LGALS8: variants seen among roughly 807,000 people sequenced by gnomAD.
The protein encoded by LGALS8 is galectin-8.
LGALS8 carries 30 observed loss-of-function variants against 35.9 expected under a neutral mutation model. The ratio of observed to expected loss-of-function variants is 0.83; its 90% CI spans 0.62 to 1.13. The LOEUF (loss-of-function observed/expected upper bound fraction) is 1.13. LGALS8 is among the 50% of genes most tolerant of loss of function. LGALS8 has a pLI of 0.00. For synonymous variants in LGALS8, 138 were observed against 136.1 expected, an observed-to-expected ratio of 1.01 and a Z score of -0.10; for missense variants, 366 against 388.7, an observed-to-expected ratio of 0.94 and a Z score of 0.49.
chr1:236,547,351 C>CTGAA (rs1611010), intron 9 of LGALS8, among the ~76,000 whole-genome samples: 92,466 of 151,600 alleles, frequency 0.61, 29,073 homozygotes, highest in Non-Finnish European at 0.69. Context: ...GCCGATGGAT[C>CTGAA]TGAATTTGTA....
At position 236,548,281 on chromosome 1, in the gene LGALS8, A is replaced by C; in HGVS notation, c.*120A>C. ...TATTGTTAAAATGAGCTTGTGCACC[A>C]TTAGGTCCTGCTGGGTGTTCTCAGT... is the stretch of plus-strand genomic sequence containing the variant. On this transcript the variant is annotated 3_prime_UTR_variant, in exon 10 of 10. Coordinates refer to ENST00000366584, the MANE Select transcript of LGALS8 (RefSeq NM_201544.4). 1 of 964,732 alleles carries C rather than the reference A, an allele frequency of 1.0e-6. No individual in the cohort carries two copies. Among genetic ancestry groups the C allele is most frequent in the Non-Finnish European group, 1.6e-6 (1 of 644,534 alleles). 59.8% of individuals were successfully genotyped at this position (964,732 alleles called of 1,614,324 possible).
rs1662703685 is a variant in LGALS8, at chr1:236,550,932, G to A, written c.*2771G>A. Reference sequence around the variant, plus strand: ...AATAGCTCTGGAGTGGCTCTCCCAGGACAGTTTCCAGTTGCTGAATAGTCT... The same window carrying A: ...AATAGCTCTGGAGTGGCTCTCCCAGAACAGTTTCCAGTTGCTGAATAGTCT... On this transcript the variant is annotated 3_prime_UTR_variant, in exon 10 of 10. Transcript: ENST00000366584. 6.2e-7 allele frequency: 1 copy of A among 1,608,600 alleles called. No individual in the cohort carries two copies. The highest frequency in any genetic ancestry group is 1.4e-5 in the African/African-American group (1 of 74,008).
rs780751484 is a variant in LGALS8, at chr1:236,529,647, C to CTT, written c.45+3548_45+3549dup. 2.6e-4 allele frequency among the ~76,000 whole-genome samples: 28 copies of CTT among 106,090 alleles called. 1 individual carries two copies. Among genetic ancestry groups the CTT allele is most frequent in the Admixed American group, 9.1e-4 (9 of 9,918 alleles). The allele number at this position is 106,090 out of a possible 152,430, so 69.6% of individuals were successfully genotyped here. On this transcript the variant is annotated intron_variant, in intron 2 of 9. Transcript: ENST00000366584. ...GTTTTTTTTTTTTTTTCTTTCTTCT[C>CTT]TTTTTTTTTTTTTTTTTAAGAGATG...
At chr1:236,533,908 C>T (rs1466567513) in intron 2 of LGALS8, among the ~76,000 whole-genome samples, 2 of 152,200 alleles carry the variant, frequency 1.3e-5, no homozygotes, top group Non-Finnish European at 2.9e-5. Flanking sequence ...CTGTCTCTGA[C>T]CCCAGATGTA....
chr1:236,539,197 AGTTT>A (rs67519050), intron 4 of LGALS8, 108 bp downstream of exon 4: 377,572 of 881,496 alleles, frequency 0.43, 83,907 homozygotes, highest in East Asian at 0.46. Context: ...CCTGAGATAT[AGTTT>A]GTTTGGCTTT....
At chr1:236,535,153 A>G (rs1661401349) in intron 2 of LGALS8, among the ~76,000 whole-genome samples, 1 of 151,938 alleles carries the variant, frequency 6.6e-6, no homozygotes, top group Non-Finnish European at 1.5e-5. Flanking sequence ...ATAATTAAAA[A>G]TATTTTTCTG....
intron 7 of LGALS8, chr1:236,543,207 T>C (rs996368303): frequency 1.5e-6 from 1 of 661,256 alleles, no homozygotes; most frequent in Non-Finnish European, 2.6e-6. Flanking sequence ...GAGCCATTCC[T>C]GTGTATTTCC....
intron 2 of LGALS8, among the ~76,000 whole-genome samples, chr1:236,533,396 C>T (rs1054874491): frequency 5.9e-5 from 9 of 151,586 alleles, no homozygotes; most frequent in Admixed American, 2.0e-4. Flanking sequence ...GTGCAATGGC[C>T]CGATCTCGGC....
At position 236,542,800 on chromosome 1, in the gene LGALS8, G is replaced by C. The variant is rs751983553; in HGVS notation, c.549+13G>C. The C allele has an allele frequency of 1.2e-6, 2 of 1,614,124 alleles. No homozygotes were observed. Among genetic ancestry groups the C allele is most frequent in the Non-Finnish European group, 1.7e-6 (2 of 1,180,010 alleles). On this transcript the variant is annotated intron_variant, in intron 7 of 9. Transcript: ENST00000366584. ...CACGCCCCAGCTTGTGAGTATTTTTGCCTGGGTTATTTCATGTGGAATATT... is the reference window on the plus strand; with the variant it reads ...CACGCCCCAGCTTGTGAGTATTTTTCCCTGGGTTATTTCATGTGGAATATT...
rs954461897 is a variant in LGALS8, at chr1:236,552,220, G to A, written c.*4059G>A. 1.1e-4 allele frequency: 72 copies of A among 630,698 alleles called. No homozygotes were observed. In the African/African-American group the frequency reaches 1.2e-3, roughly 11 times the overall value. The allele number at this position is 630,698 out of a possible 1,614,324, so 39.1% of individuals were successfully genotyped here. ...ACTTTTTAAACATTAGTTCACATGC[G>A]TTTATTCACTTCATTATGTTCATTA... On this transcript the variant is annotated 3_prime_UTR_variant, in exon 10 of 10. Transcript: ENST00000366584.
chr1:236,549,629 T>C lies in LGALS8; in HGVS notation c.*1468T>C, dbSNP rs1218307540. The C allele has an allele frequency of 1.3e-5, 2 of 152,144 alleles. No homozygotes were observed. Among genetic ancestry groups the C allele is most frequent in the Non-Finnish European group, 2.9e-5 (2 of 68,038 alleles). The allele number at this position is 152,144 out of a possible 1,614,324, so 9.4% of individuals were successfully genotyped here. On this transcript the variant is annotated 3_prime_UTR_variant, in exon 10 of 10. Coordinates refer to ENST00000366584, the MANE Select transcript of LGALS8 (RefSeq NM_201544.4). ...GTCTCACCAAGCTCAAAGACACTGGTTGGGGGTGGAGGGTGCCACAGGGAA... is the reference window on the plus strand; with the variant it reads ...GTCTCACCAAGCTCAAAGACACTGGCTGGGGGTGGAGGGTGCCACAGGGAA...
Position 236,550,739 on chromosome 1 carries a change from C to T in LGALS8, c.*2578C>T. 2 of 571,070 alleles carry T rather than the reference C, an allele frequency of 3.5e-6. No individual in the cohort carries two copies. The highest frequency in any genetic ancestry group is 6.1e-6 in the Non-Finnish European group (2 of 327,738). The allele number at this position is 571,070 out of a possible 1,614,324, so 35.4% of individuals were successfully genotyped here. A position where few individuals can be genotyped will look rare whatever the true frequency, so the allele number is the denominator to read the frequency against. ...TAGGCAGGAGAGGCTTATGTGGCAG[C>T]ACAAGCCAGGTGGGGATTTTGTAAA... is the stretch of plus-strand genomic sequence containing the variant. On this transcript the variant is annotated 3_prime_UTR_variant, in exon 10 of 10. Transcript: ENST00000366584.
At chr1:236,534,232 G>C (rs1287112998) in intron 2 of LGALS8, among the ~76,000 whole-genome samples, 1 of 152,170 alleles carries the variant, frequency 6.6e-6, no homozygotes, top group Non-Finnish European at 1.5e-5. Flanking sequence ...CAGCCAAATA[G>C]AGTATCACAT....
chr1:236,527,544 C>T (rs1019606653), intron 2 of LGALS8, among the ~76,000 whole-genome samples: 2 of 151,910 alleles, frequency 1.3e-5, no homozygotes, highest in Non-Finnish European at 2.9e-5. Flanking sequence ...ACAAAAGAGT[C>T]GGAAAGGTTA....
At chr1:236,533,181 C>G (rs995569612) in intron 2 of LGALS8, among the ~76,000 whole-genome samples, 35 of 152,320 alleles carry the variant, frequency 2.3e-4, no homozygotes, top group African/African-American at 7.5e-4. Flanking sequence ...TGGGTCTTGT[C>G]TTTTCCTGCC....
rs2103083630 is a variant in LGALS8 at position 236,535,499 on chromosome 1, T to A, written c.46-1998T>A. Reference sequence around the variant, plus strand: ...ATTACTAACTTGTGTTATTAAATATTCTGCATAAAGATAATTTTAAGATGA... The same window carrying A: ...ATTACTAACTTGTGTTATTAAATATACTGCATAAAGATAATTTTAAGATGA... On this transcript the variant is annotated intron_variant, in intron 2 of 9. Coordinates refer to ENST00000366584, the MANE Select transcript of LGALS8 (RefSeq NM_201544.4). Among the ~76,000 whole-genome samples, 3 of 152,280 alleles carry A rather than the reference T, an allele frequency of 2.0e-5. No individual in the cohort carries two copies. In the East Asian group the frequency reaches 5.8e-4, roughly 29 times the overall value.
In LGALS8 at chr1:236,548,721, T is replaced by TAACC. The variant is rs1038227441; in HGVS notation, c.*562_*565dup. On this transcript the variant is annotated 3_prime_UTR_variant, in exon 10 of 10. Coordinates refer to ENST00000366584, the MANE Select transcript of LGALS8 (RefSeq NM_201544.4). ...ACTCCTTCCCCAGTGATCACTGTCA[T>TAACC]AACCAGTGCTCTACCGTATCCCATC... The TAACC allele has an allele frequency of 5.1e-6, 2 of 388,612 alleles. No individual in the cohort carries two copies. The highest frequency in any genetic ancestry group is 4.1e-5 in the African/African-American group (2 of 48,432). The allele number at this position is 388,612 out of a possible 1,614,324, so 24.1% of individuals were successfully genotyped here.
intron 2 of LGALS8, among the ~76,000 whole-genome samples, chr1:236,533,243 A>G (rs776165477): frequency 2.0e-5 from 3 of 152,074 alleles, no homozygotes; most frequent in Non-Finnish European, 4.4e-5. Flanking sequence ...CTGAAATCAT[A>G]TCTTCTTCAT....
At chr1:236,524,186 G>A (rs1462047121) in intron 1 of LGALS8, 125 bp downstream of exon 1, 2 of 456,540 alleles carry the variant, frequency 4.4e-6, no homozygotes, top group African/African-American at 4.0e-5. Flanking sequence ...TTTGATGGGT[G>A]GGACAGTGTC....
Sources: allele counts gnomAD v4.1 joint callset (sites outside exome capture counted in the v4.1 genomes callset), GRCh38; gene constraint gnomAD v4.1.1; transcripts MANE v1.5; gene names NCBI Gene and HGNC (gene_info 2026-07-23, HGNC 2026-07-21).